Variants in TCF12 observed in about 807,000 individuals in gnomAD.
The protein encoded by TCF12 is DNA-binding protein HTF4.
TCF12 carries 45 observed loss-of-function variants against 86.0 expected under a neutral mutation model. That is an observed-to-expected ratio of 0.52 (90% confidence interval 0.41 to 0.67). The LOEUF is 0.67. Ranked by LOEUF, TCF12 falls within the 30% of genes least tolerant of loss-of-function variation. The probability of loss-of-function intolerance (pLI) is 0.00; values close to 1 mark genes in which losing one functional copy is unlikely to be tolerated. For missense variants in TCF12, 881 were observed against 859.9 expected (o/e 1.02, Z -0.31); for synonymous variants, 330 against 299.6 (o/e 1.10, Z -1.05).
At chr15:57,056,146 TG>T (rs2068008814) in intron 3 of TCF12, among the ~76,000 whole-genome samples, 1 of 151,646 alleles carries the variant, frequency 6.6e-6, no homozygotes, top group Non-Finnish European at 1.5e-5. Flanking sequence ...TGTGTGTGTG[TG>T]TGTGTGTTTT....
chr15:57,134,128 A>G (rs1006165840), intron 5 of TCF12, among the ~76,000 whole-genome samples: 1 of 152,314 alleles, frequency 6.6e-6, no homozygotes, highest in Non-Finnish European at 1.5e-5. Flanking sequence ...AAAAGATTCT[A>G]TAGTTATATT....
At chr15:57,023,619 A>G (rs182073329) in intron 3 of TCF12, among the ~76,000 whole-genome samples, 2 of 152,324 alleles carry the variant, frequency 1.3e-5, no homozygotes, top group Non-Finnish European at 2.9e-5. Context: ...TTTTTTATGA[A>G]AACCGAGGGA....
Position 57,157,625 on chromosome 15 carries a change from C to T in TCF12, c.326-8777C>T, listed in dbSNP as rs1411258688. Among the ~76,000 whole-genome samples the T allele has an allele frequency of 2.0e-5, 3 of 149,646 alleles. No individual in the cohort carries two copies. In the East Asian group the frequency reaches 5.8e-4, roughly 29 times the overall value. On this transcript the variant is annotated intron_variant, in intron 5 of 20. Coordinates refer to ENST00000333725, the MANE Select transcript of TCF12 (RefSeq NM_207037.2). ...CCACCCAGGCTGGAGTACAATGGCT[C>T]GATCTAGGCTCACTGCAACCTCCAC... is the stretch of plus-strand genomic sequence containing the variant.
At chr15:57,162,237 T>TA (rs36063982) in intron 5 of TCF12, among the ~76,000 whole-genome samples, 13,864 of 147,168 alleles carry the variant, frequency 0.094, 1,072 homozygotes, top group Admixed American at 0.2. Flanking sequence ...ATATTTATGT[T>TA]AAAAAAAAAA....
intron 6 of TCF12, among the ~76,000 whole-genome samples, chr15:57,181,959 A>T (rs2056381854): frequency 1.3e-5 from 2 of 152,200 alleles, no homozygotes; most frequent in Admixed American, 6.5e-5. Flanking sequence ...ATGTATTTCT[A>T]TAAAAGATAG....
chr15:57,101,645 C>G (rs1230273742), intron 5 of TCF12, among the ~76,000 whole-genome samples: 1 of 152,194 alleles, frequency 6.6e-6, no homozygotes, highest in African/African-American at 2.4e-5. Flanking sequence ...ATATATGGTT[C>G]TGAGTTTTTA....
At chr15:56,989,591 C>T (rs2140952068) in intron 3 of TCF12, among the ~76,000 whole-genome samples, 1 of 152,228 alleles carries the variant, frequency 6.6e-6, no homozygotes, top group South Asian at 2.1e-4. Flanking sequence ...GACATTATTG[C>T]CTCAAAGGCA....
intron 8 of TCF12, among the ~76,000 whole-genome samples, chr15:57,226,321 A>T (rs765268319): frequency 5.9e-5 from 9 of 151,832 alleles, no homozygotes; most frequent in Non-Finnish European, 1.3e-4. Flanking sequence ...GTTCCTGAAT[A>T]TAATATCATA....
chr15:56,986,565 A>T (rs1300688850), intron 3 of TCF12, among the ~76,000 whole-genome samples: 4 of 152,188 alleles, frequency 2.6e-5, no homozygotes, highest in African/African-American at 9.6e-5. Context: ...AGAAACCAGA[A>T]ATAGAAATCT....
At chr15:57,269,018 G>C (rs1203831337) in intron 18 of TCF12, among the ~76,000 whole-genome samples, 2 of 152,160 alleles carry the variant, frequency 1.3e-5, no homozygotes, top group Non-Finnish European at 2.9e-5. Flanking sequence ...GGGGTGGAGA[G>C]TTCTGTAGAT....
chr15:57,273,401 T>A lies in TCF12; in HGVS notation c.1978+139T>A, dbSNP rs191037315. 8.7e-6 allele frequency: 7 copies of A among 805,076 alleles called. No individual in the cohort carries two copies. The African/African-American group carries it at 1.2e-4, about 14-fold the overall frequency. 49.9% of individuals were successfully genotyped at this position (805,076 alleles called of 1,614,324 possible). Reference sequence around the variant, plus strand: ...TCTACTGTATCATCAGGGTCGTTTTTCCTGTAATTCTCACTTCTGTCTCAC... The same window carrying A: ...TCTACTGTATCATCAGGGTCGTTTTACCTGTAATTCTCACTTCTGTCTCAC... On this transcript the variant is annotated intron_variant, in intron 19 of 20. Coordinates refer to ENST00000333725, the MANE Select transcript of TCF12 (RefSeq NM_207037.2).
intron 4 of TCF12, among the ~76,000 whole-genome samples, chr15:57,085,457 A>G (rs2048560674): frequency 6.6e-6 from 1 of 152,206 alleles, no homozygotes; most frequent in African/African-American, 2.4e-5. Flanking sequence ...CACCTACTAC[A>G]TGCCCGTTAG....
chr15:57,003,283 T>C (rs2064156673), intron 3 of TCF12, among the ~76,000 whole-genome samples: 1 of 152,192 alleles, frequency 6.6e-6, no homozygotes, highest in Non-Finnish European at 1.5e-5. Flanking sequence ...CAGGGTTAGG[T>C]ACCTGTGAGC....
chr15:57,158,189 T>G (rs1596907717), intron 5 of TCF12, among the ~76,000 whole-genome samples: 1 of 142,424 alleles, frequency 7.0e-6, no homozygotes, highest in African/African-American at 2.7e-5. Flanking sequence ...AAGTCGTTTC[T>G]TTTTTTTTTT....
chr15:57,261,139 A>C (rs1285708797), intron 16 of TCF12, among the ~76,000 whole-genome samples: 1 of 152,200 alleles, frequency 6.6e-6, no homozygotes, highest in African/African-American at 2.4e-5. Context: ...TGACACAAAT[A>C]ATGCTCAGCA....
intron 3 of TCF12, among the ~76,000 whole-genome samples, chr15:56,993,478 C>G (rs750075702): frequency 2.0e-5 from 3 of 152,174 alleles, no homozygotes; most frequent in Non-Finnish European, 4.4e-5. Context: ...ACCAAAGATG[C>G]AGCATTCTGG....
chr15:57,059,214 G>T (rs1411190783), intron 3 of TCF12, among the ~76,000 whole-genome samples: 2 of 152,200 alleles, frequency 1.3e-5, no homozygotes, highest in African/African-American at 4.8e-5. Flanking sequence ...GAGTGCACAT[G>T]TGCACCAGCG....
chr15:57,225,206 G>A (rs1425193727), intron 8 of TCF12, among the ~76,000 whole-genome samples: 1 of 120,734 alleles, frequency 8.3e-6, no homozygotes, highest in Non-Finnish European at 1.7e-5. Flanking sequence ...TACCATTTAG[G>A]TTACTGATAT....
intron 8 of TCF12, among the ~76,000 whole-genome samples, chr15:57,207,282 T>C (rs1208866027): frequency 6.6e-6 from 1 of 152,172 alleles, no homozygotes; most frequent in Non-Finnish European, 1.5e-5. Flanking sequence ...CCTAGAAAAT[T>C]CATTTTTTCA....
Sources: gnomAD v4.1 joint callset for allele counts (sites outside exome capture counted in the v4.1 genomes callset) on GRCh38, gnomAD v4.1.1 for gene constraint, MANE v1.5 for transcripts, NCBI Gene and HGNC (gene_info 2026-07-23, HGNC 2026-07-21) for gene names.